Variants in WDR62 observed in about 807,000 individuals in gnomAD.
WDR62 encodes WD repeat-containing protein 62.
A neutral mutation model predicts 160.6 loss-of-function variants in WDR62; 112 were observed. The ratio of observed to expected loss-of-function variants is 0.70; its 90% CI spans 0.60 to 0.82. WDR62 has a LOEUF of 0.82. Ranked by LOEUF, WDR62 falls within the 40% of genes least tolerant of loss-of-function variation. WDR62 has a pLI of 0.00. For synonymous variants in WDR62, 792 were observed against 815.1 expected, an observed-to-expected ratio of 0.97 and a Z score of 0.48; for missense variants, 1,819 against 1,983.8, an observed-to-expected ratio of 0.92 and a Z score of 1.58.
At chr19:36,069,105 G>T (rs1423752924) in intron 7 of WDR62, among the ~76,000 whole-genome samples, 1 of 146,362 alleles carries the variant, frequency 6.8e-6, no homozygotes, top group Non-Finnish European at 1.5e-5. Context: ...CGGACGGAGC[G>T]GCTGGCCGGG....
At chr19:36,089,765 G>T (rs1972477090) in intron 15 of WDR62, among the ~76,000 whole-genome samples, 1 of 152,286 alleles carries the variant, frequency 6.6e-6, no homozygotes, top group Non-Finnish European at 1.5e-5. Flanking sequence ...TTTCTTAGAA[G>T]CTGGGCTCTC....
chr19:36,095,515 C>T (rs888053967), intron 20 of WDR62, among the ~76,000 whole-genome samples: 1 of 152,144 alleles, frequency 6.6e-6, no homozygotes, highest in Non-Finnish European at 1.5e-5. Context: ...TGTTTGAGGC[C>T]GGGTGTGGTA....
chr19:36,096,977 CTGTT>C (rs772725501), intron 20 of WDR62, 46 bp from the exon 21 acceptor site: 3 of 1,561,762 alleles, frequency 1.9e-6, no homozygotes, highest in East Asian at 2.3e-5. Context: ...TGTATGTGGC[CTGTT>C]TGTTGGGTTG....
intron 21 of WDR62, among the ~76,000 whole-genome samples, chr19:36,098,795 T>C (rs1231713731): frequency 6.6e-6 from 1 of 152,094 alleles, no homozygotes; most frequent in African/African-American, 2.4e-5. Context: ...TGTGCAATTC[T>C]GAAGTTTCAG....
chr19:36,108,377 C>G (rs1022140369), downstream of WDR62, among the ~76,000 whole-genome samples: 3 of 151,890 alleles, frequency 2.0e-5, no homozygotes, highest in Admixed American at 6.6e-5. Flanking sequence ...CTTCTACCCC[C>G]ACATCTACCC....
At chr19:36,073,576 A>T in intron 9 of WDR62, 45 bp downstream of exon 9, 2 of 1,426,066 alleles carry the variant, frequency 1.4e-6, no homozygotes, top group Non-Finnish European at 1.9e-6. Context: ...GCCTCTGCAC[A>T]GTTCCCCACA....
chr19:36,106,362 CAAAAAA>C (rs10668126), downstream of WDR62, among the ~76,000 whole-genome samples: 5 of 115,242 alleles, frequency 4.3e-5, no homozygotes, highest in East Asian at 2.4e-4. Flanking sequence ...CAGCAAGTCT[CAAAAAA>C]AAAAAAAAAA....
At chr19:36,067,753 G>T (rs1030488589) in intron 6 of WDR62, 75 bp from the exon 7 acceptor site, 3 of 1,522,932 alleles carry the variant, frequency 2.0e-6, no homozygotes, top group African/African-American at 1.4e-5. Flanking sequence ...CTCCTGTTTT[G>T]TTGTGTCCTA....
chr19:36,084,792 CCCCTGGCAGGGCCACAG>C (rs1259034852), intron 12 of WDR62, 48 bp downstream of exon 12: 8 of 1,572,028 alleles, frequency 5.1e-6, no homozygotes, highest in Non-Finnish European at 7.0e-6. Context: ...GGAGGCAGCC[CCCCTGGCAGGGCCACAG>C]AAAGGGGTAG....
At chr19:36,075,359 C>G (rs1350249026) in intron 9 of WDR62, 1 of 151,956 alleles carries the variant, frequency 6.6e-6, no homozygotes, top group African/African-American at 2.4e-5. Context: ...AAGGTTCTAT[C>G]TAACTCTAAG....
Position 36,074,303 on chromosome 19 carries a change from AG to A in WDR62, c.1233+774del, listed in dbSNP as rs202014874. ...CCTGGGTAACAGTGAGACCATGTCT[AG>A]GAAAAAAAAAAAAGTTTTGAAGTTT... On this transcript the variant is annotated intron_variant, in intron 9 of 31. Coordinates refer to ENST00000401500, the MANE Select transcript of WDR62 (RefSeq NM_001083961.2). 4.0e-3 allele frequency: 562 copies of A among 139,156 alleles called. 3 individuals are homozygous for A. Among genetic ancestry groups the A allele is most frequent in the African/African-American group, 0.01 (401 of 38,212 alleles). The allele number at this position is 139,156 out of a possible 1,614,324, so 8.6% of individuals were successfully genotyped here.
chr19:36,097,020 T>G lies in WDR62; in HGVS notation c.2468-7T>G. On this transcript the variant is annotated splice_region_variant and splice_polypyrimidine_tract_variant and intron_variant, in intron 20 of 31. Coordinates refer to ENST00000401500, the MANE Select transcript of WDR62 (RefSeq NM_001083961.2). ...GTCCTCTTTTCATGGATTCTGTGTC[T>G]TTCCAGATCCTCGTTGCCTGCTAAC... 3 of 1,611,110 alleles carry G rather than the reference T, an allele frequency of 1.9e-6. No homozygotes were observed. The East Asian group carries it at 6.7e-5, about 36-fold the overall frequency.
intron 8 of WDR62, among the ~76,000 whole-genome samples, chr19:36,073,092 A>G (rs1489998399): frequency 1.3e-5 from 2 of 152,154 alleles, no homozygotes; most frequent in Non-Finnish European, 2.9e-5. Context: ...GATGGGCGAT[A>G]AATGTTCATA....
At position 36,071,228 on chromosome 19, in the gene WDR62, A is replaced by T. The variant is rs142063978; in HGVS notation, c.883-328A>T. Among the ~76,000 whole-genome samples the T allele has an allele frequency of 1.3e-3, 194 of 152,250 alleles. 1 individual carries two copies. Among genetic ancestry groups the T allele is most frequent in the African/African-American group, 4.6e-3 (190 of 41,530 alleles). On this transcript the variant is annotated intron_variant, in intron 7 of 31. Transcript: ENST00000401500. The stretch of plus-strand genomic sequence containing the variant: ...AAAAAAAAAAAAAAATTTAAGCCTA[A>T]AATTCAACCCTGTTACTACAAGTGA...
At chr19:36,080,955 G>A (rs886555807) in intron 9 of WDR62, among the ~76,000 whole-genome samples, 4 of 151,670 alleles carry the variant, frequency 2.6e-5, no homozygotes, top group Admixed American at 1.3e-4. Context: ...TTTGTTTTTG[G>A]TTTGTCTGTC....
chr19:36,070,943 C>T (rs1412113261), intron 7 of WDR62: 1 of 154,456 alleles, frequency 6.5e-6, no homozygotes, highest in African/African-American at 2.4e-5. Context: ...CGCGATGGCT[C>T]ACATCTGTAA....
chr19:36,110,729 C>CA, the WDR62 span, among the ~76,000 whole-genome samples: 1 of 152,272 alleles, frequency 6.6e-6, no homozygotes, highest in South Asian at 2.1e-4. Flanking sequence ...GTCCTCCCTG[C>CA]ACCCTACAGA....
intron 3 of WDR62, among the ~76,000 whole-genome samples, chr19:36,063,309 G>A (rs949658153): frequency 1.3e-5 from 2 of 151,642 alleles, no homozygotes; most frequent in Admixed American, 1.3e-4. Flanking sequence ...GAGTGCAGTG[G>A]GGCGATCTTG....
intron 9 of WDR62, 127 bp from the exon 10 acceptor site, chr19:36,081,306 T>C (rs1310768791): frequency 3.6e-6 from 4 of 1,111,062 alleles, no homozygotes; most frequent in Non-Finnish European, 5.4e-6. Context: ...TGTTTATTTT[T>C]AGCATAGAAG....
Sources: allele counts gnomAD v4.1 joint callset (sites outside exome capture counted in the v4.1 genomes callset), GRCh38; gene constraint gnomAD v4.1.1; transcripts MANE v1.5; gene names NCBI Gene and HGNC (gene_info 2026-07-23, HGNC 2026-07-21).